The following KIAA0753 variants were observed in gnomAD, a reference collection of about 807,000 sequenced individuals.
KIAA0753 encodes KIAA0753, also known as protein moonraker.
Under a neutral mutation model 116.9 loss-of-function variants are expected in KIAA0753, and 114 were observed. The ratio of observed to expected loss-of-function variants is 0.98; its 90% confidence interval spans 0.84 to 1.14. KIAA0753 has a LOEUF of 1.14. Ranked by LOEUF, KIAA0753 falls within the 50% of genes most tolerant of loss-of-function variation. The probability of loss-of-function intolerance (pLI) is 0.00; values close to 1 mark genes in which losing one functional copy is unlikely to be tolerated. For synonymous variants in KIAA0753, 405 were observed against 413.1 expected (o/e 0.98, Z 0.24); for missense variants, 1,156 against 1,172.4 (o/e 0.99, Z 0.20).
chr17:6,614,118 A>C (rs1387061041), intron 7 of KIAA0753, among the ~76,000 whole-genome samples: 1 of 152,262 alleles, frequency 6.6e-6, no homozygotes, highest in East Asian at 1.9e-4. Flanking sequence ...CACTAGAATC[A>C]AAAATATTCA....
At chr17:6,634,930 A>C in intron 2 of KIAA0753, 81 bp downstream of exon 2, 1 of 919,536 alleles carries the variant, frequency 1.1e-6, no homozygotes, top group Non-Finnish European at 1.7e-6. Flanking sequence ...AGGTGATTTC[A>C]AAAGTGTTCA....
intron 3 of KIAA0753, among the ~76,000 whole-genome samples, chr17:6,625,351 A>C (rs964135545): frequency 6.6e-6 from 1 of 152,148 alleles, no homozygotes; most frequent in Non-Finnish European, 1.5e-5. Context: ...TTTAATAGAG[A>C]ATAATCAAAT....
chr17:6,588,450 G>T (rs1968742812), intron 18 of KIAA0753, among the ~76,000 whole-genome samples: 1 of 152,130 alleles, frequency 6.6e-6, no homozygotes, highest in Admixed American at 6.6e-5. Flanking sequence ...CAGGAGATCT[G>T]GAGAGCAGCC....
chr17:6,626,898 C>T (rs1971701866), intron 3 of KIAA0753, among the ~76,000 whole-genome samples: 1 of 152,154 alleles, frequency 6.6e-6, no homozygotes. Context: ...AGCAGTGGGC[C>T]TTGTGGCTTT....
intron 18 of KIAA0753, among the ~76,000 whole-genome samples, chr17:6,584,406 C>T (rs776619946): frequency 4.6e-5 from 7 of 152,276 alleles, no homozygotes; most frequent in African/African-American, 9.6e-5. Flanking sequence ...TTACCAAGTG[C>T]GTCATCACTA....
intron 18 of KIAA0753, among the ~76,000 whole-genome samples, chr17:6,588,353 G>A (rs1355996341): frequency 6.6e-6 from 1 of 152,082 alleles, no homozygotes; most frequent in African/African-American, 2.4e-5. Context: ...GAAGACAAGG[G>A]CATCAGAAAA....
At chr17:6,634,909 C>A in intron 2 of KIAA0753, 102 bp downstream of exon 2, 1 of 739,038 alleles carries the variant, frequency 1.4e-6, no homozygotes, top group Non-Finnish European at 2.3e-6. Context: ...TTAGCAATTG[C>A]TGAATCTAGG....
chr17:6,615,642 A>AAAC (rs1970870963), intron 7 of KIAA0753, among the ~76,000 whole-genome samples: 1 of 148,820 alleles, frequency 6.7e-6, no homozygotes, highest in South Asian at 2.2e-4. Context: ...AAAAAAAAAA[A>AAAC]CCTAAATCCT....
chr17:6,599,183 C>A (rs910181966), intron 14 of KIAA0753, 54 bp downstream of exon 14: 71 of 1,220,808 alleles, frequency 5.8e-5, no homozygotes, highest in Middle Eastern at 3.7e-4. Flanking sequence ...TTCATTACAA[C>A]TAAAGATGTT....
intron 18 of KIAA0753, among the ~76,000 whole-genome samples, chr17:6,588,635 A>C (rs1307000796): frequency 6.6e-6 from 1 of 152,216 alleles, no homozygotes; most frequent in Middle Eastern, 3.2e-3. Context: ...AAAGAAATGT[A>C]ATCATAGTAC....
rs1186997883 is a variant in KIAA0753, at chr17:6,594,956, A to T, written c.2440+16T>A. On this transcript the variant is annotated intron_variant, in intron 16 of 18. Coordinates refer to ENST00000361413, the MANE Select transcript of KIAA0753 (RefSeq NM_014804.3). ...CAGAATAAAATGTTAGGGGAAAAAC[A>T]TGGGGAAACACTCACCATTGTTTTC... 1.9e-6 allele frequency: 3 copies of T among 1,585,098 alleles called. No homozygotes were observed. Among genetic ancestry groups the T allele is most frequent in the Non-Finnish European group, 2.6e-6 (3 of 1,161,128 alleles).
At chr17:6,597,460 T>C (rs1463897330) in intron 14 of KIAA0753, among the ~76,000 whole-genome samples, 1 of 152,092 alleles carries the variant, frequency 6.6e-6, no homozygotes. Context: ...CTCAATGCAA[T>C]GATACAGAAA....
At chr17:6,595,961 C>G (rs892430936) in intron 15 of KIAA0753, among the ~76,000 whole-genome samples, 197 bp downstream of exon 15, 2 of 152,192 alleles carry the variant, frequency 1.3e-5, no homozygotes, top group African/African-American at 4.8e-5. Flanking sequence ...CTCTATGCCT[C>G]TTTTTATCCT....
rs191516925 is a variant in KIAA0753 at position 6,597,540 on chromosome 17, C to T, written c.2173-1197G>A. Among the ~76,000 whole-genome samples the T allele has an allele frequency of 1.4e-3, 218 of 152,282 alleles. No individual in the cohort carries two copies. The Middle Eastern group carries it at 0.02, about 14-fold the overall frequency. On this transcript the variant is annotated intron_variant, in intron 14 of 18. Transcript: ENST00000361413. ...GCATATGGCACCTGCTTGTGGGGAA[C>T]TTTTCATATACTTCTTCTGAATTAT...
At chr17:6,595,095 G>A in intron 15 of KIAA0753, 42 bp from the exon 16 acceptor site, 2 of 1,391,932 alleles carry the variant, frequency 1.4e-6, no homozygotes, top group Non-Finnish European at 2.0e-6. Context: ...GAGAAAAAAT[G>A]AGTTTAATTA....
At chr17:6,599,120 C>A in intron 14 of KIAA0753, 117 bp downstream of exon 14, 1 of 707,080 alleles carries the variant, frequency 1.4e-6, no homozygotes. Flanking sequence ...AAATAATATT[C>A]ATACTTCTTG....
At chr17:6,588,829 C>T (rs1169090495) in intron 18 of KIAA0753, among the ~76,000 whole-genome samples, 1 of 152,096 alleles carries the variant, frequency 6.6e-6, no homozygotes, top group African/African-American at 2.4e-5. Flanking sequence ...ACCCATTCTT[C>T]AAAATTTAGT....
At chr17:6,632,451 T>C (rs551240560) in intron 2 of KIAA0753, among the ~76,000 whole-genome samples, 11 of 151,548 alleles carry the variant, frequency 7.3e-5, no homozygotes, top group African/African-American at 2.7e-4. Flanking sequence ...TTGCAAGGAG[T>C]AAGGCAACAA....
At chr17:6,601,622 C>A (rs8064688) in intron 12 of KIAA0753, among the ~76,000 whole-genome samples, 6,481 of 152,236 alleles carry the variant, frequency 0.043, 464 homozygotes, top group African/African-American at 0.14. Flanking sequence ...AAATGAATTT[C>A]GACCAGTATT....
Sources: allele counts gnomAD v4.1 joint callset (sites outside exome capture counted in the v4.1 genomes callset), GRCh38; gene constraint gnomAD v4.1.1; transcripts MANE v1.5; gene names NCBI Gene and HGNC (gene_info 2026-07-23, HGNC 2026-07-21).